ARHGAP32: variants seen among roughly 807,000 people sequenced by gnomAD.
ARHGAP32 encodes the protein rho GTPase-activating protein 32.
In ARHGAP32, 51 loss-of-function variants were observed where a neutral mutation model predicts 186.5. The observed-to-expected ratio is 0.27, with a 90% CI of 0.22 to 0.35. The LOEUF is 0.35. Among genes scored for constraint, ARHGAP32 ranks in the 10% least tolerant of loss-of-function variants. ARHGAP32 has a pLI of 1.00. For missense variants in ARHGAP32, 2,186 were observed against 2,623.5 expected (o/e 0.83, Z 3.64); for synonymous variants, 950 against 964.3 (o/e 0.99, Z 0.27).
At chr11:129,121,710 G>A (rs1942535958) in intron 5 of ARHGAP32, among the ~76,000 whole-genome samples, 1 of 151,946 alleles carries the variant, frequency 6.6e-6, no homozygotes, top group South Asian at 2.1e-4. Context: ...ATTCTACAGG[G>A]TTGAAGTAAG....
At chr11:129,009,798 C>T (rs939617582) in intron 11 of ARHGAP32, among the ~76,000 whole-genome samples, 3 of 151,924 alleles carry the variant, frequency 2.0e-5, no homozygotes, top group East Asian at 1.9e-4. Flanking sequence ...AGTGAACGTA[C>T]GGGTGCGTGT....
chr11:128,982,488 T>TGG (rs910607508), intron 15 of ARHGAP32, among the ~76,000 whole-genome samples: 1 of 151,190 alleles, frequency 6.6e-6, no homozygotes, highest in African/African-American at 2.4e-5. Flanking sequence ...TGTGTGTGTG[T>TGG]GTGTGTGTGT....
intron 2 of ARHGAP32, among the ~76,000 whole-genome samples, chr11:129,140,216 C>T (rs897381378): frequency 2.0e-5 from 3 of 152,066 alleles, no homozygotes; most frequent in African/African-American, 7.2e-5. Flanking sequence ...ACACCTCCCA[C>T]AATGACAGCC....
chr11:129,091,858 T>A (rs1047588598), intron 6 of ARHGAP32, among the ~76,000 whole-genome samples: 1 of 152,088 alleles, frequency 6.6e-6, no homozygotes, highest in African/African-American at 2.4e-5. Flanking sequence ...GGTCTAATTG[T>A]ATGTCTTTTT....
chr11:129,174,071 A>T (rs1004351945), intron 1 of ARHGAP32, among the ~76,000 whole-genome samples: 3 of 152,192 alleles, frequency 2.0e-5, no homozygotes, highest in African/African-American at 7.2e-5. Flanking sequence ...TGGGCACAGG[A>T]CAGTGGGTGC....
intron 1 of ARHGAP32, among the ~76,000 whole-genome samples, chr11:129,173,541 T>C (rs1318214555): frequency 6.6e-6 from 1 of 152,032 alleles, no homozygotes; most frequent in Non-Finnish European, 1.5e-5. Context: ...GGCCAATACC[T>C]CTGATGAACA....
rs114955890 is a variant in ARHGAP32 at position 129,124,886 on chromosome 11, G to A, written c.234C>T (p.Gly78=). 333 of 1,604,434 alleles carry A rather than the reference G, an allele frequency of 2.1e-4. No individual in the cohort carries two copies. In the African/African-American group the frequency reaches 3.7e-3, roughly 18 times the overall value. The part of the protein sequence containing the change: ...WEETLSAMAR[G]ADVPEIPGDL... ...CTCCAGGAATCTCTGGAACATCTGC[G>A]CCTCTTGCCTTAAAAAATAAAGACA... The change falls in exon 3 of 23, where the codon GGC becomes GGT. Residue 78 remains glycine, a synonymous_variant. Coordinates refer to ENST00000682385, the MANE Select transcript of ARHGAP32 (RefSeq NM_001378024.1).
intron 13 of ARHGAP32, among the ~76,000 whole-genome samples, chr11:128,987,143 T>A (rs1306272229): frequency 6.6e-6 from 1 of 152,194 alleles, no homozygotes; most frequent in Non-Finnish European, 1.5e-5. Context: ...CATAAAGCAA[T>A]TCCTAGCTAA....
chr11:128,969,061 C>G lies in ARHGAP32; in HGVS notation c.6152G>C (p.Arg2051Pro), dbSNP rs760447782. The stretch of plus-strand genomic sequence containing the variant: ...CATGCCGCCCCCTCCAAAGACTCCT[C>G]GCTGGTGCTGAGGCAGGGAGTGGTA... ...EDYHSLPQHQRGVFGGGGMGT... is the reference protein window; with the variant it reads ...EDYHSLPQHQPGVFGGGGMGT... The change falls in exon 23 of 23, where the codon CGA becomes CCA. Residue 2051 changes from arginine (R) to proline (P), a missense_variant. Around this residue, in one of 5 missense-constraint regions of ARHGAP32, gnomAD observed 1,502 missense variants for 1,570.0 expected, o/e 0.96. Transcript: ENST00000682385. The surrounding 1 kb of genome is among the most constrained non-coding windows in gnomAD (Gnocchi z 4.8). 5.6e-6 allele frequency: 9 copies of G among 1,612,046 alleles called. No homozygotes were observed. Among genetic ancestry groups the G allele is most frequent in the Non-Finnish European group, 7.6e-6 (9 of 1,178,642 alleles).
intron 5 of ARHGAP32, among the ~76,000 whole-genome samples, chr11:129,101,130 A>C (rs1244579101): frequency 6.6e-6 from 1 of 152,138 alleles, no homozygotes; most frequent in Non-Finnish European, 1.5e-5. Context: ...AATTTCCAGA[A>C]ATGAAGCCAA....
At chr11:129,129,511 G>C (rs1031596813) in intron 2 of ARHGAP32, among the ~76,000 whole-genome samples, 1 of 152,214 alleles carries the variant, frequency 6.6e-6, no homozygotes. Flanking sequence ...CCCTCTGCCC[G>C]GCCGCCACCT....
chr11:129,105,968 G>A (rs1484381412), intron 5 of ARHGAP32, among the ~76,000 whole-genome samples: 1 of 152,102 alleles, frequency 6.6e-6, no homozygotes, highest in East Asian at 1.9e-4. Flanking sequence ...AACAAAGTCT[G>A]GGGCCAAAAG....
At chr11:129,199,627 C>T (rs1222794334) in intron 1 of ARHGAP32, among the ~76,000 whole-genome samples, 1 of 152,268 alleles carries the variant, frequency 6.6e-6, no homozygotes, top group Non-Finnish European at 1.5e-5. Context: ...TGTATGAAAA[C>T]ACCTAGATGT....
rs571890385 is a variant in ARHGAP32, at chr11:128,997,649, T to C, written c.1195+670A>G. 2.0e-5 allele frequency among the ~76,000 whole-genome samples: 3 copies of C among 152,144 alleles called. No homozygotes were observed. In the East Asian group the frequency reaches 5.8e-4, roughly 29 times the overall value. On this transcript the variant is annotated intron_variant, in intron 12 of 22. Coordinates refer to ENST00000682385, the MANE Select transcript of ARHGAP32 (RefSeq NM_001378024.1). ...TCTTTCCCTCCTATCCATCCCCCCA[T>C]CCAACAACTAAATTCTTGATTCATA...
chr11:128,990,105 T>C (rs778544047), intron 12 of ARHGAP32, among the ~76,000 whole-genome samples: 6 of 152,160 alleles, frequency 3.9e-5, no homozygotes, highest in African/African-American at 7.2e-5. Context: ...ATGCTATGAC[T>C]TCTTCACAAA....
chr11:129,039,383 AAAG>A (rs566490831), intron 11 of ARHGAP32, among the ~76,000 whole-genome samples: 4 of 152,252 alleles, frequency 2.6e-5, no homozygotes, highest in Non-Finnish European at 5.9e-5. Context: ...AGCTATTTAA[AAAG>A]AAGGAATTAA....
chr11:129,001,272 C>T (rs1946352446), intron 11 of ARHGAP32, among the ~76,000 whole-genome samples: 1 of 152,034 alleles, frequency 6.6e-6, no homozygotes, highest in African/African-American at 2.4e-5. Flanking sequence ...CCCTTTTCTC[C>T]ACATTTGTTA....
intron 15 of ARHGAP32, 42 bp from the exon 16 acceptor site, chr11:128,981,978 G>A: frequency 1.6e-6 from 2 of 1,279,542 alleles, no homozygotes; most frequent in Non-Finnish European, 2.2e-6. Context: ...GAAACATGAT[G>A]CAGCAGTATA....
chr11:129,250,469 A>T (rs1945166361), intron 1 of ARHGAP32, among the ~76,000 whole-genome samples: 1 of 152,206 alleles, frequency 6.6e-6, no homozygotes, highest in African/African-American at 2.4e-5. Flanking sequence ...GATAGCCATG[A>T]TGAATAAGGA....
Sources: gnomAD v4.1 joint callset for allele counts (sites outside exome capture counted in the v4.1 genomes callset) on GRCh38, gnomAD v4.1.1 for gene constraint, gnomAD v4.1.1 regional missense constraint, Gnocchi (gnomAD v3.1) non-coding constraint, MANE v1.5 for transcripts, NCBI Gene and HGNC (gene_info 2026-07-23, HGNC 2026-07-21) for gene names.